Variants in NCBP3 observed in about 807,000 individuals in gnomAD.
The protein encoded by NCBP3 is nuclear cap binding subunit 3.
NCBP3 carries 20 observed loss-of-function variants against 75.7 expected under a neutral mutation model. The observed-to-expected ratio is 0.26, with a 90% CI of 0.19 to 0.38. The LOEUF (loss-of-function observed/expected upper bound fraction) is 0.38, where lower values mean the gene tolerates loss of function less well. Among genes scored for constraint, NCBP3 ranks in the 10% least tolerant of loss-of-function variants. NCBP3 has a pLI of 1.00. For synonymous variants in NCBP3, 293 were observed against 290.5 expected (o/e 1.01, Z -0.09); for missense variants, 678 against 796.9 (o/e 0.85, Z 1.80).
rs114739456 is a variant in NCBP3 at position 3,840,864 on chromosome 17, A to G, written c.250-659T>C. Among the ~76,000 whole-genome samples the G allele has an allele frequency of 5.1e-3, 779 of 152,364 alleles. 9 individuals are homozygous for G. Among genetic ancestry groups the G allele is most frequent in the African/African-American group, 0.018 (742 of 41,584 alleles). ...AATCACCAGTTTTCATCTCTAAGTG[A>G]TAAGAACCATTGACACTTTACTGAA... On this transcript the variant is annotated intron_variant, in intron 2 of 12. Coordinates refer to ENST00000389005, the MANE Select transcript of NCBP3 (RefSeq NM_001114118.3).
At chr17:3,841,832 CAA>C (rs35136635) in intron 2 of NCBP3, among the ~76,000 whole-genome samples, 81 of 113,940 alleles carry the variant, frequency 7.1e-4, no homozygotes, top group African/African-American at 2.0e-3. Context: ...GACTCTGTCT[CAA>C]AAAAAAAAAA....
At chr17:3,839,504 C>T (rs1397412425) in intron 3 of NCBP3, among the ~76,000 whole-genome samples, 1 of 152,178 alleles carries the variant, frequency 6.6e-6, no homozygotes, top group Non-Finnish European at 1.5e-5. Context: ...CCAGCCATCA[C>T]TCCCAGCTGA....
At chr17:3,820,095 C>G (rs1164012898) in intron 9 of NCBP3, among the ~76,000 whole-genome samples, 2 of 152,122 alleles carry the variant, frequency 1.3e-5, no homozygotes, top group Non-Finnish European at 1.5e-5. Context: ...CAGGTATGTG[C>G]CATCATGCCT....
chr17:3,844,272 A>G (rs2054118864), intron 1 of NCBP3, among the ~76,000 whole-genome samples: 1 of 152,166 alleles, frequency 6.6e-6, no homozygotes, highest in South Asian at 2.1e-4. Flanking sequence ...AGGACACTGT[A>G]TAGTTTTCTT....
chr17:3,838,153 A>C lies in NCBP3; in HGVS notation c.355+1947T>G, dbSNP rs145533841. Among the ~76,000 whole-genome samples, 1,317 of 152,296 alleles carry C rather than the reference A, an allele frequency of 8.6e-3. 19 individuals are homozygous for C. Among genetic ancestry groups the C allele is most frequent in the African/African-American group, 0.03 (1,241 of 41,558 alleles). On this transcript the variant is annotated intron_variant, in intron 3 of 12. Coordinates refer to ENST00000389005, the MANE Select transcript of NCBP3 (RefSeq NM_001114118.3). ...TCTACGAGGCTTTTGCGCCCTAAAG[A>C]GCTCCAACAGATGTGAGAAAACACT... is the stretch of plus-strand genomic sequence containing the variant.
chr17:3,827,749 T>A (rs2053813300), intron 4 of NCBP3, among the ~76,000 whole-genome samples: 1 of 152,220 alleles, frequency 6.6e-6, no homozygotes. Context: ...GTCCCTCCAA[T>A]TCTAATATAC....
chr17:3,815,149 A>T (rs959557963), intron 11 of NCBP3, among the ~76,000 whole-genome samples: 1 of 152,082 alleles, frequency 6.6e-6, no homozygotes, highest in Non-Finnish European at 1.5e-5. Flanking sequence ...TTCTTTATCC[A>T]TTCTGTCTCC....
chr17:3,802,425 C>T lies in NCBP3; in HGVS notation c.*10619G>A, dbSNP rs1597384910. On this transcript the variant is annotated 3_prime_UTR_variant, in exon 13 of 13. Transcript: ENST00000389005. Reference sequence around the variant, plus strand: ...TTGTCTGCTTTGCTCTGACAAAGTGCTTATGACTACTAGATCTTGCTCGGT... The same window carrying T: ...TTGTCTGCTTTGCTCTGACAAAGTGTTTATGACTACTAGATCTTGCTCGGT... 1 of 152,310 alleles carries T rather than the reference C, an allele frequency of 6.6e-6. No individual in the cohort carries two copies. The highest frequency in any genetic ancestry group is 3.4e-3 in the Middle Eastern group (1 of 294). The allele number at this position is 152,310 out of a possible 1,614,324, so 9.4% of individuals were successfully genotyped here.
rs2053759593 is a variant in NCBP3 at position 3,825,065 on chromosome 17, G to C, written c.688-15C>G. 2 of 1,365,922 alleles carry C rather than the reference G, an allele frequency of 1.5e-6. No homozygotes were observed. Among genetic ancestry groups the C allele is most frequent in the African/African-American group, 3.0e-5 (2 of 67,450 alleles). 84.6% of individuals were successfully genotyped at this position (1,365,922 alleles called of 1,614,324 possible). A position where few individuals can be genotyped will look rare whatever the true frequency, so the allele number is the denominator to read the frequency against. ...AACGTATCCAACTTAAGAAAGAAGA[G>C]TATTTTTAATATAAAAATTAAAGTC... On this transcript the variant is annotated splice_polypyrimidine_tract_variant and intron_variant, in intron 6 of 12. Transcript: ENST00000389005.
In NCBP3 at chr17:3,812,855, C is replaced by T; in HGVS notation, c.*189G>A. The T allele has an allele frequency of 4.2e-6, 6 of 1,419,886 alleles. No individual in the cohort carries two copies. The South Asian group carries it at 6.0e-5, about 14-fold the overall frequency. The allele number at this position is 1,419,886 out of a possible 1,614,324, so 88.0% of individuals were successfully genotyped here. ...AGGGCCCAGAACTACAACTCTGCAG[C>T]GAAAGATAGAGATGCCCTTGAAAAT... On this transcript the variant is annotated 3_prime_UTR_variant, in exon 13 of 13. Coordinates refer to ENST00000389005, the MANE Select transcript of NCBP3 (RefSeq NM_001114118.3).
At chr17:3,824,279 T>A (rs1418424748) in intron 7 of NCBP3, 5 of 151,860 alleles carry the variant, frequency 3.3e-5, no homozygotes, top group Non-Finnish European at 7.4e-5. Context: ...TTCAACTAAC[T>A]CTCAAATGAT....
chr17:3,831,041 A>T (rs1268731505), intron 3 of NCBP3, among the ~76,000 whole-genome samples: 2 of 151,014 alleles, frequency 1.3e-5, no homozygotes, highest in South Asian at 4.2e-4. Flanking sequence ...CCTCCCAAGT[A>T]GCTGGGATTA....
intron 4 of NCBP3, among the ~76,000 whole-genome samples, chr17:3,827,253 C>G (rs1411754155): frequency 1.3e-5 from 2 of 152,178 alleles, no homozygotes; most frequent in African/African-American, 2.4e-5. Flanking sequence ...CTACTTGGAA[C>G]AGAACACAGG....
intron 4 of NCBP3, 98 bp downstream of exon 4, chr17:3,829,145 A>G: frequency 7.5e-7 from 1 of 1,335,204 alleles, no homozygotes; most frequent in Non-Finnish European, 1.0e-6. Context: ...CGGCATAAAC[A>G]AGTAGTATGG....
chr17:3,822,298 A>G (rs2053682805), intron 7 of NCBP3: 1 of 373,590 alleles, frequency 2.7e-6, no homozygotes, highest in Non-Finnish European at 4.8e-6. Flanking sequence ...CTTAATGGAG[A>G]AAACAAAAAT....
chr17:3,805,200 C>T lies in NCBP3; in HGVS notation c.*7844G>A, dbSNP rs1269709631. On this transcript the variant is annotated 3_prime_UTR_variant, in exon 13 of 13. Transcript: ENST00000389005. Reference sequence around the variant, plus strand: ...CAGGCTGGTCTCGAACTCCTGACATCAGGTGATCCCCGCCTCGGCCTCCCA... The same window carrying T: ...CAGGCTGGTCTCGAACTCCTGACATTAGGTGATCCCCGCCTCGGCCTCCCA... 6.6e-6 allele frequency: 1 copy of T among 152,156 alleles called. No homozygotes were observed. Among genetic ancestry groups the T allele is most frequent in the Non-Finnish European group, 1.5e-5 (1 of 68,054 alleles). 9.4% of individuals were successfully genotyped at this position (152,156 alleles called of 1,614,324 possible).
intron 5 of NCBP3, 48 bp from the exon 6 acceptor site, chr17:3,825,891 T>C: frequency 1.4e-6 from 2 of 1,464,764 alleles, no homozygotes; most frequent in Non-Finnish European, 1.9e-6. Flanking sequence ...AAATATTTCA[T>C]ATAATGAGAT....
rs1019947829 is a variant in NCBP3 at position 3,811,987 on chromosome 17, A to G, written c.*1057T>C. ...GTGGGGACAGAAAGAATAAATATCA[A>G]TGTATAACTTCTAGAGTGATAATAA... On this transcript the variant is annotated 3_prime_UTR_variant, in exon 13 of 13. Transcript: ENST00000389005. 7 of 152,238 alleles carry G rather than the reference A, an allele frequency of 4.6e-5. No homozygotes were observed. The highest frequency in any genetic ancestry group is 1.0e-4 in the Non-Finnish European group (7 of 68,046). 9.4% of individuals were successfully genotyped at this position (152,238 alleles called of 1,614,324 possible).
chr17:3,832,495 G>A lies in NCBP3; in HGVS notation c.356-3127C>T, dbSNP rs1202366549. On this transcript the variant is annotated intron_variant, in intron 3 of 12. Transcript: ENST00000389005. ...AATACAAAACAATTAGCCAGGTGTG[G>A]TGGCAGGCACCTGTAGTCCCAGCTA... Among the ~76,000 whole-genome samples, 26 of 119,630 alleles carry A rather than the reference G, an allele frequency of 2.2e-4. 5 individuals carry two copies. In the South Asian group the frequency reaches 2.7e-3, roughly 13 times the overall value. The allele number at this position is 119,630 out of a possible 152,430, so 78.5% of individuals were successfully genotyped here.
Sources: allele counts gnomAD v4.1 joint callset (sites outside exome capture counted in the v4.1 genomes callset), GRCh38; gene constraint gnomAD v4.1.1; transcripts MANE v1.5; gene names NCBI Gene and HGNC (gene_info 2026-07-23, HGNC 2026-07-21).